The following NPAS3 variants were observed in gnomAD, a reference collection of about 807,000 sequenced individuals.
NPAS3 encodes neuronal PAS domain-containing protein 3.
NPAS3 carries 14 observed loss-of-function variants against 73.1 expected under a neutral mutation model. That is an observed-to-expected ratio of 0.19 (90% CI 0.13 to 0.30). NPAS3 has a LOEUF of 0.30. NPAS3 is among the 10% of genes least tolerant of loss of function. The pLI, the probability that NPAS3 is intolerant of heterozygous loss-of-function variation, is 1.00. For synonymous variants in NPAS3, 620 were observed against 541.5 expected, an observed-to-expected ratio of 1.14 and a Z score of -2.01; for missense variants, 1,096 against 1,250.0, an observed-to-expected ratio of 0.88 and a Z score of 1.86.
intron 1 of NPAS3, among the ~76,000 whole-genome samples, chr14:32,989,437 G>T (rs1456615750): frequency 1.3e-5 from 2 of 152,162 alleles, no homozygotes; most frequent in Non-Finnish European, 2.9e-5. Context: ...GAGGTCAGGA[G>T]ATCGAGACCA....
chr14:33,384,381 T>TTC (rs2046684130), intron 4 of NPAS3, among the ~76,000 whole-genome samples: 1 of 143,006 alleles, frequency 7.0e-6, no homozygotes, highest in Non-Finnish European at 1.6e-5. Context: ...ATTTTAATGT[T>TTC]TCTGTGTGTG....
At chr14:33,379,923 A>G (rs904716304) in intron 4 of NPAS3, among the ~76,000 whole-genome samples, 1 of 151,592 alleles carries the variant, frequency 6.6e-6, no homozygotes, top group African/African-American at 2.4e-5. Context: ...ATTCTACTTC[A>G]CTAGCTTTTT....
chr14:33,645,912 C>T (rs889547705), intron 5 of NPAS3, among the ~76,000 whole-genome samples: 15 of 152,272 alleles, frequency 9.9e-5, no homozygotes, highest in Non-Finnish European at 1.6e-4. Context: ...CATTGAGGGC[C>T]GTCACACCAT....
intron 4 of NPAS3, among the ~76,000 whole-genome samples, chr14:33,485,004 G>A (rs778490483): frequency 8.5e-5 from 13 of 152,150 alleles, no homozygotes; most frequent in Non-Finnish European, 1.8e-4. Flanking sequence ...TATGTGGATG[G>A]AACTTCCTGC....
chr14:33,705,559 G>T (rs1180368579), intron 6 of NPAS3, among the ~76,000 whole-genome samples: 2 of 152,182 alleles, frequency 1.3e-5, no homozygotes, highest in Non-Finnish European at 2.9e-5. Context: ...GTCTTTTGCG[G>T]ACATTCTAGA....
intron 6 of NPAS3, among the ~76,000 whole-genome samples, chr14:33,727,907 C>T: frequency 6.6e-6 from 1 of 152,192 alleles, no homozygotes; most frequent in Non-Finnish European, 1.5e-5. Context: ...TCATGTGGCA[C>T]ATCCTTTGGA....
intron 1 of NPAS3, among the ~76,000 whole-genome samples, chr14:33,015,780 G>A (rs1367518681): frequency 1.3e-5 from 2 of 151,950 alleles, no homozygotes; most frequent in Non-Finnish European, 2.9e-5. Flanking sequence ...AATTACCTAC[G>A]GGCAGTAAAA....
chr14:33,218,923 G>T (rs1329141867), intron 3 of NPAS3, among the ~76,000 whole-genome samples: 2 of 152,164 alleles, frequency 1.3e-5, no homozygotes, highest in Non-Finnish European at 2.9e-5. Context: ...TATGCTTGCA[G>T]AAAGAACACT....
chr14:33,235,991 A>T (rs1029532532), intron 3 of NPAS3, among the ~76,000 whole-genome samples: 1 of 151,646 alleles, frequency 6.6e-6, no homozygotes, highest in Non-Finnish European at 1.5e-5. Context: ...GGGGTCTCAC[A>T]ATGTTGCCCA....
intron 5 of NPAS3, among the ~76,000 whole-genome samples, chr14:33,597,318 G>A (rs1286458870): frequency 2.0e-5 from 3 of 152,192 alleles, no homozygotes; most frequent in Non-Finnish European, 4.4e-5. Context: ...CTGTAAGCCA[G>A]TATGGCTGCT....
intron 5 of NPAS3, among the ~76,000 whole-genome samples, chr14:33,665,009 A>G (rs751746804): frequency 9.8e-5 from 15 of 152,368 alleles, no homozygotes; most frequent in Middle Eastern, 6.8e-3. Context: ...ATTACTGGGT[A>G]TATACCCAGA....
intron 1 of NPAS3, among the ~76,000 whole-genome samples, chr14:32,958,325 C>T (rs1424863352): frequency 6.6e-6 from 1 of 152,172 alleles, no homozygotes; most frequent in Non-Finnish European, 1.5e-5. Context: ...CATTCAGCTT[C>T]CTTGTATACC....
At chr14:33,026,898 C>T (rs2039823645) in intron 1 of NPAS3, among the ~76,000 whole-genome samples, 1 of 152,070 alleles carries the variant, frequency 6.6e-6, no homozygotes. Flanking sequence ...CCTTTTTTCC[C>T]CCTGTTACAT....
chr14:33,083,714 G>C (rs2041935181), intron 2 of NPAS3, among the ~76,000 whole-genome samples: 1 of 149,326 alleles, frequency 6.7e-6, no homozygotes. Flanking sequence ...ATATTTGAAG[G>C]GTATCCAGTT....
chr14:33,081,044 A>C (rs2041848204), intron 2 of NPAS3, among the ~76,000 whole-genome samples: 1 of 152,230 alleles, frequency 6.6e-6, no homozygotes, highest in Admixed American at 6.5e-5. Context: ...CTTTACCAGC[A>C]ATGTACATCA....
intron 5 of NPAS3, among the ~76,000 whole-genome samples, chr14:33,569,846 A>G (rs1201944664): frequency 6.6e-6 from 1 of 152,174 alleles, no homozygotes; most frequent in Admixed American, 6.5e-5. Context: ...TTGTCCTTAT[A>G]AACAGGGGAG....
intron 3 of NPAS3, among the ~76,000 whole-genome samples, chr14:33,320,879 CA>C (rs146464025): frequency 0.034 from 5,150 of 151,858 alleles, 277 homozygotes; most frequent in East Asian, 0.19. Context: ...GTATACACCT[CA>C]AAAAAAATTA....
chr14:32,963,415 A>C (rs553725903), intron 1 of NPAS3, among the ~76,000 whole-genome samples: 6 of 152,332 alleles, frequency 3.9e-5, no homozygotes, highest in Admixed American at 3.9e-4. Flanking sequence ...AAGAAGGGAA[A>C]AACTTTGAAA....
intron 4 of NPAS3, among the ~76,000 whole-genome samples, chr14:33,397,118 A>G (rs2047258193): frequency 6.6e-6 from 1 of 152,146 alleles, no homozygotes; most frequent in South Asian, 2.1e-4. Context: ...TTGTAAATCA[A>G]TTGTAATAAT....
Sources: gnomAD v4.1 joint callset for allele counts (sites outside exome capture counted in the v4.1 genomes callset) on GRCh38, gnomAD v4.1.1 for gene constraint, MANE v1.5 for transcripts, NCBI Gene and HGNC (gene_info 2026-07-23, HGNC 2026-07-21) for gene names.